HSD17B2: variants seen among roughly 807,000 people sequenced by gnomAD.
The protein encoded by HSD17B2 is hydroxysteroid 17-beta dehydrogenase 2.
HSD17B2 carries 32 observed loss-of-function variants against 26.9 expected under a neutral mutation model. The ratio of observed to expected loss-of-function variants is 1.19; its 90% CI spans 0.90 to 1.60. The LOEUF is 1.60. HSD17B2 is among the 40% of genes most tolerant of loss of function. HSD17B2 has a pLI of 0.00. For synonymous variants in HSD17B2, 246 were observed against 186.7 expected, an observed-to-expected ratio of 1.32 and a Z score of -2.59; for missense variants, 613 against 468.6, an observed-to-expected ratio of 1.31 and a Z score of -2.85.
chr16:82,065,472 T>C (rs1914549159), intron 1 of HSD17B2, among the ~76,000 whole-genome samples: 1 of 152,142 alleles, frequency 6.6e-6, no homozygotes, highest in Non-Finnish European at 1.5e-5. Context: ...AACTGGGGGC[T>C]TTAAAATCCA....
intron 3 of HSD17B2, chr16:82,071,365 G>C: frequency 8.8e-6 from 5 of 565,170 alleles, no homozygotes; most frequent in Non-Finnish European, 1.3e-5. Flanking sequence ...GGGATTTAGG[G>C]TTCTTATATG....
At chr16:82,069,086 C>G (rs1302122443) in intron 2 of HSD17B2, among the ~76,000 whole-genome samples, 1 of 152,134 alleles carries the variant, frequency 6.6e-6, no homozygotes, top group East Asian at 1.9e-4. Context: ...TCCACCAGGC[C>G]CAAGTGTGGG....
chr16:82,070,997 GCTT>G lies in HSD17B2; in HGVS notation c.541_543del (p.Leu181del), dbSNP rs766429944. ...TGCTTGGCTTTCCAACTGATGGGGA[GCTT>G]CTTCTTATGACTGACTACAAACAAT... is the stretch of plus-strand genomic sequence containing the variant. On this transcript the variant is annotated inframe_deletion, in exon 3 of 5. Transcript: ENST00000199936. 3 of 1,614,216 alleles carry G rather than the reference GCTT, an allele frequency of 1.9e-6. No homozygotes were observed. Among genetic ancestry groups the G allele is most frequent in the Admixed American group, 3.3e-5 (2 of 60,022 alleles).
intron 3 of HSD17B2, among the ~76,000 whole-genome samples, chr16:82,081,182 A>C (rs1904369268): frequency 2.0e-5 from 3 of 152,198 alleles, no homozygotes; most frequent in Non-Finnish European, 4.4e-5. Flanking sequence ...AGGTGTGCAG[A>C]ATAGAAGAAA....
In HSD17B2 at chr16:82,035,412, C is replaced by G; in HGVS notation, c.-13C>G. The G allele has an allele frequency of 1.2e-6, 2 of 1,605,550 alleles. No homozygotes were observed. The highest frequency in any genetic ancestry group is 1.7e-6 in the Non-Finnish European group (2 of 1,174,628). On this transcript the variant is annotated 5_prime_UTR_variant, in exon 1 of 5. Transcript: ENST00000199936. ...TGGCCCTGAGCACTTGAAGGTGCAG[C>G]AAGTCACTGAGAATGAGCACTTTCT... is the stretch of plus-strand genomic sequence containing the variant.
intron 3 of HSD17B2, among the ~76,000 whole-genome samples, chr16:82,085,955 A>T (rs925954073): frequency 6.6e-6 from 1 of 152,108 alleles, no homozygotes; most frequent in Non-Finnish European, 1.5e-5. Context: ...GCTATAATAA[A>T]AAAAAAACAC....
chr16:82,061,306 G>A (rs1049680874), intron 1 of HSD17B2, among the ~76,000 whole-genome samples: 1 of 151,994 alleles, frequency 6.6e-6, no homozygotes, highest in Non-Finnish European at 1.5e-5. Context: ...GGAGAGCAGT[G>A]GCTTTGTGCC....
chr16:82,085,059 C>T (rs761847398), intron 3 of HSD17B2, among the ~76,000 whole-genome samples: 28 of 152,142 alleles, frequency 1.8e-4, no homozygotes, highest in Non-Finnish European at 1.5e-5. Flanking sequence ...TACTTTATAC[C>T]AAAGCAAGCA....
At chr16:82,057,888 C>G (rs1411031133) in intron 1 of HSD17B2, among the ~76,000 whole-genome samples, 2 of 152,126 alleles carry the variant, frequency 1.3e-5, no homozygotes, top group Non-Finnish European at 2.9e-5. Flanking sequence ...TCTAAGCAGA[C>G]AGGATCACTA....
intron 1 of HSD17B2, among the ~76,000 whole-genome samples, chr16:82,039,170 GT>G (rs1913699710): frequency 6.6e-6 from 1 of 152,054 alleles, no homozygotes; most frequent in African/African-American, 2.4e-5. Context: ...ATTACTAGCT[GT>G]GTGGACAGCT....
At chr16:82,078,761 C>T (rs149721254) in intron 3 of HSD17B2, among the ~76,000 whole-genome samples, 298 of 152,236 alleles carry the variant, frequency 2.0e-3, no homozygotes, top group African/African-American at 6.9e-3. Context: ...AGTGAAATAA[C>T]ATAATGAGCA....
intron 1 of HSD17B2, among the ~76,000 whole-genome samples, chr16:82,036,652 A>C (rs1200287181): frequency 6.6e-6 from 1 of 152,130 alleles, no homozygotes; most frequent in African/African-American, 2.4e-5. Flanking sequence ...TTTTGGGTTA[A>C]AGTAAAATGC....
At chr16:82,091,664 G>T (rs759549317) in intron 4 of HSD17B2, 1 of 154,834 alleles carries the variant, frequency 6.5e-6, no homozygotes, top group Non-Finnish European at 1.4e-5. Context: ...CAAGGGACAG[G>T]GCCTTATGCT....
At chr16:82,091,078 G>A (rs370356628) in intron 4 of HSD17B2, 39 bp downstream of exon 4, 12 of 1,608,658 alleles carry the variant, frequency 7.5e-6, no homozygotes, top group Non-Finnish European at 1.0e-5. Context: ...TGTTCATCCT[G>A]GAAGGAACCC....
chr16:82,055,945 T>C (rs1434770231), intron 1 of HSD17B2, among the ~76,000 whole-genome samples: 1 of 152,188 alleles, frequency 6.6e-6, no homozygotes, highest in African/African-American at 2.4e-5. Context: ...ATGAGAAGTG[T>C]AAGCTGGCCC....
chr16:82,046,680 G>GA (rs10714516), intron 1 of HSD17B2, among the ~76,000 whole-genome samples: 38 of 146,292 alleles, frequency 2.6e-4, no homozygotes, highest in East Asian at 1.4e-3. Flanking sequence ...GCTGATAATG[G>GA]AAAAAAAAAA....
At chr16:82,047,250 T>C (rs1026403600) in intron 1 of HSD17B2, among the ~76,000 whole-genome samples, 12 of 152,222 alleles carry the variant, frequency 7.9e-5, no homozygotes, top group African/African-American at 2.9e-4. Context: ...CCGGGGTTTG[T>C]TACCTGGCTA....
At chr16:82,074,706 T>C (rs952144339) in intron 3 of HSD17B2, among the ~76,000 whole-genome samples, 12 of 152,152 alleles carry the variant, frequency 7.9e-5, no homozygotes, top group Non-Finnish European at 4.4e-5. Flanking sequence ...ATAAAGGAAA[T>C]ATTATTAGAA....
At chr16:82,072,696 G>A (rs986812156) in intron 3 of HSD17B2, among the ~76,000 whole-genome samples, 8 of 152,164 alleles carry the variant, frequency 5.3e-5, no homozygotes, top group Admixed American at 4.6e-4. Context: ...GTTAATCAGT[G>A]AAGAAATGCA....
Sources: gnomAD v4.1 joint callset for allele counts (sites outside exome capture counted in the v4.1 genomes callset) on GRCh38, gnomAD v4.1.1 for gene constraint, MANE v1.5 for transcripts, NCBI Gene and HGNC (gene_info 2026-07-23, HGNC 2026-07-21) for gene names.